Variants in SNRPG observed in about 807,000 individuals in gnomAD.
The protein encoded by SNRPG is small nuclear ribonucleoprotein polypeptide G.
Under a neutral mutation model 13.9 loss-of-function variants are expected in SNRPG, and 3 were observed. The ratio of observed to expected loss-of-function variants is 0.22; its 90% CI spans 0.10 to 0.56. The LOEUF (loss-of-function observed/expected upper bound fraction) is 0.56, where lower values mean the gene tolerates loss of function less well. SNRPG is among the 20% of genes least tolerant of loss of function. The pLI is 0.93. For synonymous variants in SNRPG, 29 were observed against 29.3 expected, an observed-to-expected ratio of 0.99 and a Z score of 0.03; for missense variants, 34 against 96.1, an observed-to-expected ratio of 0.35 and a Z score of 2.70.
chr2:70,284,518 G>A (rs1363664754), intron 3 of SNRPG, among the ~76,000 whole-genome samples: 1 of 152,014 alleles, frequency 6.6e-6, no homozygotes, highest in Non-Finnish European at 1.5e-5. Context: ...CAAGTAGCTG[G>A]GACCAGAGGC....
intron 3 of SNRPG, among the ~76,000 whole-genome samples, chr2:70,286,162 A>G (rs1378321321): frequency 6.6e-6 from 1 of 152,170 alleles, no homozygotes; most frequent in Non-Finnish European, 1.5e-5. Flanking sequence ...TCCTGGGCTC[A>G]AGTGATCCTC....
intron 3 of SNRPG, among the ~76,000 whole-genome samples, chr2:70,286,228 A>C (rs1253237541): frequency 2.0e-5 from 3 of 152,186 alleles, no homozygotes; most frequent in Non-Finnish European, 4.4e-5. Flanking sequence ...GTGCCCAGCC[A>C]ACACACACAT....
At chr2:70,283,096 C>CAAAAAAAAAAAAAAAAAAAACAAAAAA (rs1696840440) in intron 3 of SNRPG, among the ~76,000 whole-genome samples, 1 of 14,046 alleles carries the variant, frequency 7.1e-5, no homozygotes, top group African/African-American at 3.4e-4. Context: ...TGTCTTTTGT[C>CAAAAAAAAAAAAAAAAAAAACAAAAAA]AAAAAAAAAA....
intron 3 of SNRPG, 97 bp downstream of exon 3, chr2:70,287,971 G>A (rs1052054728): frequency 1.7e-6 from 2 of 1,150,522 alleles, no homozygotes; most frequent in Non-Finnish European, 2.6e-6. Flanking sequence ...AATCTTGCCT[G>A]TTATTTGCCA....
intron 3 of SNRPG, chr2:70,287,338 A>G (rs1294597368): frequency 2.8e-6 from 2 of 702,924 alleles, no homozygotes; most frequent in Admixed American, 4.0e-5. Flanking sequence ...TTTTTCAAGA[A>G]CTTTGGGCTT....
In SNRPG at chr2:70,290,823, TAAAAAAAAAA is replaced by T. The variant is rs57720967; in HGVS notation, c.33-1461_33-1452del. On this transcript the variant is annotated intron_variant, in intron 1 of 3. Coordinates refer to ENST00000272348, the MANE Select transcript of SNRPG (RefSeq NM_003096.4). ...CAACATGGAGAAAACCCGTCTCTACTAAAAAAAAAAAAAAAAAAAAAAAAAAAAAAAAAAA... is the reference window on the plus strand; with the variant it reads ...CAACATGGAGAAAACCCGTCTCTACTAAAAAAAAAAAAAAAAAAAAAAAAA... 2.4e-4 allele frequency among the ~76,000 whole-genome samples: 6 copies of T among 25,282 alleles called. No individual in the cohort carries two copies. The South Asian group carries it at 8.1e-3, about 34-fold the overall frequency. 16.6% of individuals were successfully genotyped at this position (25,282 alleles called of 152,430 possible). A position where few individuals can be genotyped will look rare whatever the true frequency, so the allele number is the denominator to read the frequency against.
In SNRPG at chr2:70,293,711, C is replaced by A; in HGVS notation, c.-62G>T. The A allele has an allele frequency of 6.7e-7, 1 of 1,498,566 alleles. No homozygotes were observed. Among genetic ancestry groups the A allele is most frequent in the Non-Finnish European group, 9.3e-7 (1 of 1,074,784 alleles). 92.8% of individuals were successfully genotyped at this position (1,498,566 alleles called of 1,614,324 possible). A position where few individuals can be genotyped will look rare whatever the true frequency, so the allele number is the denominator to read the frequency against. ...GCAACGCACGGCTTTCCTCACGCTC[C>A]CGCTGTAGGCCCGGCGTCTTGCGTC... On this transcript the variant is annotated 5_prime_UTR_variant, in exon 1 of 4. Coordinates refer to ENST00000272348, the MANE Select transcript of SNRPG (RefSeq NM_003096.4).
chr2:70,291,550 G>A, intron 1 of SNRPG, among the ~76,000 whole-genome samples: 1 of 152,078 alleles, frequency 6.6e-6, no homozygotes, highest in Admixed American at 6.6e-5. Flanking sequence ...ACTAGAAGCC[G>A]GTAGCACCAG....
At chr2:70,289,586 T>C (rs924180385) in intron 1 of SNRPG, among the ~76,000 whole-genome samples, 1 of 151,818 alleles carries the variant, frequency 6.6e-6, no homozygotes, top group East Asian at 1.9e-4. Flanking sequence ...CTGAGGCGGG[T>C]GGACTGCTTG....
Position 70,288,052 on chromosome 2 carries a change from T to G in SNRPG, c.180+16A>C, listed in dbSNP as rs1278191876. The G allele has an allele frequency of 6.2e-7, 1 of 1,610,314 alleles. No individual in the cohort carries two copies. Among genetic ancestry groups the G allele is most frequent in the Non-Finnish European group, 8.5e-7 (1 of 1,178,450 alleles). The stretch of plus-strand genomic sequence containing the variant: ...AAAAATGAAATCTCCAAGAGAACTC[T>G]TGTATCTTTACTTACCACCATTCCA... On this transcript the variant is annotated intron_variant, in intron 3 of 3. Transcript: ENST00000272348.
At position 70,285,873 on chromosome 2, in the gene SNRPG, T is replaced by C. The variant is rs539915588; in HGVS notation, c.180+2195A>G. Among the ~76,000 whole-genome samples the C allele has an allele frequency of 9.2e-5, 14 of 152,314 alleles. No homozygotes were observed. In the South Asian group the frequency reaches 2.3e-3, roughly 25 times the overall value. ...GATGCCACTGACAACTCTGGGGATGTCTCAGAAGATAGTTGAGATTTATCA... is the reference window on the plus strand; with the variant it reads ...GATGCCACTGACAACTCTGGGGATGCCTCAGAAGATAGTTGAGATTTATCA... On this transcript the variant is annotated intron_variant, in intron 3 of 3. Transcript: ENST00000272348.
At chr2:70,293,456 C>G (rs951123902) in intron 1 of SNRPG, 162 bp downstream of exon 1, 24 of 743,756 alleles carry the variant, frequency 3.2e-5, no homozygotes, top group Non-Finnish European at 5.4e-5. Context: ...GCGCGGGCTT[C>G]ACGTCTCATG....
chr2:70,285,902 G>A (rs1339632246), intron 3 of SNRPG, among the ~76,000 whole-genome samples: 2 of 152,140 alleles, frequency 1.3e-5, no homozygotes, highest in Admixed American at 6.6e-5. Flanking sequence ...TTTATCATTA[G>A]GTAACGATCC....
intron 3 of SNRPG, among the ~76,000 whole-genome samples, chr2:70,281,930 CT>C (rs911128488): frequency 1.3e-4 from 19 of 151,220 alleles, no homozygotes; most frequent in Admixed American, 6.6e-4. Flanking sequence ...CTAATTTCAC[CT>C]TTTTTTTTGA....
intron 1 of SNRPG, chr2:70,292,869 A>T (rs1397856958): frequency 6.7e-6 from 3 of 446,152 alleles, no homozygotes; most frequent in African/African-American, 5.9e-5. Flanking sequence ...TAACCTGTTA[A>T]GTCCACTCAA....
intron 1 of SNRPG, among the ~76,000 whole-genome samples, chr2:70,290,109 C>A (rs1438193187): frequency 6.6e-6 from 1 of 150,882 alleles, no homozygotes; most frequent in Non-Finnish European, 1.5e-5. Flanking sequence ...CCCAAAGTGC[C>A]GCTGGGATTA....
chr2:70,292,356 T>C (rs1023386076), intron 1 of SNRPG, among the ~76,000 whole-genome samples: 4 of 151,948 alleles, frequency 2.6e-5, no homozygotes, highest in East Asian at 3.9e-4. Flanking sequence ...AAAAATATTA[T>C]TATTTTTTGA....
At chr2:70,293,049 T>C (rs890083695) in intron 1 of SNRPG, 11 of 677,110 alleles carry the variant, frequency 1.6e-5, no homozygotes, top group African/African-American at 9.0e-5. Context: ...AATGTTCTTA[T>C]ATAGTTTCAA....
At chr2:70,287,280 T>A in intron 3 of SNRPG, 1 of 702,584 alleles carries the variant, frequency 1.4e-6, no homozygotes, top group South Asian at 1.5e-5. Context: ...CTTGGAGGTC[T>A]TTATGCTTAA....
Sources: allele counts gnomAD v4.1 joint callset (sites outside exome capture counted in the v4.1 genomes callset), GRCh38; gene constraint gnomAD v4.1.1; transcripts MANE v1.5; gene names NCBI Gene and HGNC (gene_info 2026-07-23, HGNC 2026-07-21).